Variants in SCFD1 observed in about 807,000 individuals in gnomAD.
SCFD1 encodes the protein sec1 family domain-containing protein 1.
In SCFD1, 37 loss-of-function variants were observed where a neutral mutation model predicts 103.2. The observed-to-expected ratio is 0.36, with a 90% CI of 0.28 to 0.47. SCFD1 has a LOEUF of 0.47. Among genes scored for constraint, SCFD1 ranks in the 20% least tolerant of loss-of-function variants. The pLI is 1.00. For synonymous variants in SCFD1, 264 were observed against 245.0 expected, an observed-to-expected ratio of 1.08 and a Z score of -0.73; for missense variants, 639 against 761.2, an observed-to-expected ratio of 0.84 and a Z score of 1.89.
chr14:30,624,780 G>A (rs1169754001), intron 1 of SCFD1, among the ~76,000 whole-genome samples: 3 of 152,058 alleles, frequency 2.0e-5, no homozygotes. Flanking sequence ...GGCTTTATAC[G>A]ATCTGGTTTC....
intron 23 of SCFD1, 155 bp from the exon 24 acceptor site, chr14:30,734,635 G>T: frequency 1.6e-6 from 1 of 609,444 alleles, no homozygotes. Context: ...TTTATTTCAT[G>T]CAATTTTAGG....
Position 30,630,517 on chromosome 14 carries a change from C to T in SCFD1, c.173C>T (p.Pro58Leu), listed in dbSNP as rs1488111607. 1 of 1,604,850 alleles carries T rather than the reference C, an allele frequency of 6.2e-7. No individual in the cohort carries two copies. The highest frequency in any genetic ancestry group is 1.7e-5 in the Admixed American group (1 of 59,956). ...AGATTTGGCCAAGATATAATCTCTC[C>T]TCTGCTATCTGTGAAGGAGCTAAGA... is the stretch of plus-strand genomic sequence containing the variant. Reference protein sequence around the residue: ...YDRFGQDIISPLLSVKELRDM... With the variant: ...YDRFGQDIISLLLSVKELRDM... The change falls in exon 3 of 25, where the codon CCT (proline) becomes CTT (leucine). Residue 58 changes from proline to leucine, a missense_variant. Coordinates refer to ENST00000458591, the MANE Select transcript of SCFD1 (RefSeq NM_016106.4).
Position 30,674,840 on chromosome 14 carries a change from A to T in SCFD1, c.1161-144A>T, listed in dbSNP as rs1288388361. 2.1e-5 allele frequency: 10 copies of T among 465,876 alleles called. No individual in the cohort carries two copies. The South Asian group carries it at 4.1e-4, about 19-fold the overall frequency. 28.9% of individuals were successfully genotyped at this position (465,876 alleles called of 1,614,324 possible). On this transcript the variant is annotated intron_variant, in intron 13 of 24. Transcript: ENST00000458591. Reference sequence around the variant, plus strand: ...ATACTGTAGGTGTTCAAGTCTAGAGATTAAATTAGTTGATAGTTTAATTCG... The same window carrying T: ...ATACTGTAGGTGTTCAAGTCTAGAGTTTAAATTAGTTGATAGTTTAATTCG...
At position 30,638,264 on chromosome 14, in the gene SCFD1, G is replaced by T. The variant is rs1338504714; in HGVS notation, c.435+17G>T. ...GTAGCCAAGGTAAGAGAGTTTGGTG[G>T]GTTGATGACATTTTGTCAATGTAAA... On this transcript the variant is annotated intron_variant, in intron 5 of 24. Coordinates refer to ENST00000458591, the MANE Select transcript of SCFD1 (RefSeq NM_016106.4). 1 of 1,612,668 alleles carries T rather than the reference G, an allele frequency of 6.2e-7. No homozygotes were observed. Among genetic ancestry groups the T allele is most frequent in the Non-Finnish European group, 8.5e-7 (1 of 1,179,208 alleles).
At chr14:30,664,028 C>T (rs192473806) in intron 10 of SCFD1, among the ~76,000 whole-genome samples, 91 of 152,318 alleles carry the variant, frequency 6.0e-4, no homozygotes, top group African/African-American at 2.0e-3. Flanking sequence ...AGCAGTGGTT[C>T]TCCTAGCATG....
chr14:30,638,031 T>C, intron 4 of SCFD1, 94 bp from the exon 5 acceptor site: 1 of 1,335,776 alleles, frequency 7.5e-7, no homozygotes, highest in Non-Finnish European at 9.8e-7. Flanking sequence ...AAATATCCTG[T>C]CTTTTAAATA....
At chr14:30,674,492 A>AAATAAATTAGCTGAGAGTGG (rs914127804) in intron 13 of SCFD1, among the ~76,000 whole-genome samples, 1 of 152,008 alleles carries the variant, frequency 6.6e-6, no homozygotes, top group Non-Finnish European at 1.5e-5. Flanking sequence ...AAAAATAAAT[A>AAATAAATTAGCTGAGAGTGG]AATAAATTAG....
At chr14:30,622,287 C>G (rs1276615735), upstream of SCFD1, 2 of 1,590,560 alleles carry the variant, frequency 1.3e-6, no homozygotes, top group East Asian at 2.3e-5. Flanking sequence ...AGGGCAGCCA[C>G]GTCATCCCCC....
At chr14:30,655,058 T>A (rs1006044452) in intron 10 of SCFD1, among the ~76,000 whole-genome samples, 2 of 152,222 alleles carry the variant, frequency 1.3e-5, no homozygotes, top group Non-Finnish European at 2.9e-5. Context: ...TTCCTGTCTT[T>A]CTAGAGCTTA....
chr14:30,700,388 A>T, intron 16 of SCFD1, 130 bp downstream of exon 16: 1 of 699,344 alleles, frequency 1.4e-6, no homozygotes, highest in Non-Finnish European at 2.4e-6. Context: ...TTAAAAGAAA[A>T]ATGGCCAGGC....
chr14:30,734,668 A>G (rs1893711472), intron 23 of SCFD1, 122 bp from the exon 24 acceptor site: 1 of 750,484 alleles, frequency 1.3e-6, no homozygotes, highest in Non-Finnish European at 2.3e-6. Flanking sequence ...CTAAAATCCA[A>G]CAGTATCCCA....
At chr14:30,711,161 T>A (rs1434321351) in intron 19 of SCFD1, among the ~76,000 whole-genome samples, 1 of 152,142 alleles carries the variant, frequency 6.6e-6, no homozygotes, top group East Asian at 1.9e-4. Context: ...TTACTCTCTT[T>A]GGCCTGTTTG....
rs182281271 is a variant in SCFD1, at chr14:30,668,565, A to C, written c.856-1691A>C. Among the ~76,000 whole-genome samples the C allele has an allele frequency of 4.6e-5, 7 of 152,260 alleles. 1 individual carries two copies. The highest frequency in any genetic ancestry group is 9.6e-5 in the African/African-American group (4 of 41,558). ...TAGACAAATGGGATCTAATTAAACT[A>C]AAGAGCTTCTGCACAGCAAAAGAAA... On this transcript the variant is annotated intron_variant, in intron 10 of 24. Transcript: ENST00000458591.
At chr14:30,701,763 G>A (rs1216975642) in intron 16 of SCFD1, among the ~76,000 whole-genome samples, 2 of 151,596 alleles carry the variant, frequency 1.3e-5, no homozygotes, top group East Asian at 3.9e-4. Flanking sequence ...GCTCCTTTAA[G>A]TTACACAAAT....
intron 4 of SCFD1, among the ~76,000 whole-genome samples, chr14:30,636,830 G>A (rs1884772266): frequency 6.6e-6 from 1 of 151,822 alleles, no homozygotes; most frequent in Non-Finnish European, 1.5e-5. Context: ...ATTCTTCATT[G>A]CAATTGTATA....
chr14:30,627,353 A>G (rs975205136), intron 1 of SCFD1, among the ~76,000 whole-genome samples: 1 of 152,242 alleles, frequency 6.6e-6, no homozygotes, highest in Non-Finnish European at 1.5e-5. Flanking sequence ...GACAGGATAA[A>G]TTGTTTGTAA....
At chr14:30,653,457 GT>G in intron 9 of SCFD1, 31 bp from the exon 10 acceptor site, 1 of 1,374,952 alleles carries the variant, frequency 7.3e-7, no homozygotes, top group Non-Finnish European at 1.0e-6. Flanking sequence ...GGTATCAAGA[GT>G]TATGTAATTT....
At chr14:30,703,916 T>C (rs1891253818) in intron 17 of SCFD1, among the ~76,000 whole-genome samples, 1 of 24,858 alleles carries the variant, frequency 4.0e-5, no homozygotes, top group Non-Finnish European at 6.6e-5. Flanking sequence ...TTTGCATATA[T>C]ATATATATAT....
At chr14:30,638,745 A>G (rs925184772) in intron 5 of SCFD1, among the ~76,000 whole-genome samples, 2 of 152,162 alleles carry the variant, frequency 1.3e-5, no homozygotes, top group African/African-American at 4.8e-5. Context: ...CTGCAATTCT[A>G]CATCATAGTG....
Sources: gnomAD v4.1 joint callset for allele counts (sites outside exome capture counted in the v4.1 genomes callset) on GRCh38, gnomAD v4.1.1 for gene constraint, MANE v1.5 for transcripts, NCBI Gene and HGNC (gene_info 2026-07-23, HGNC 2026-07-21) for gene names.